SVEP1: variants seen among roughly 807,000 people sequenced by gnomAD.
SVEP1 encodes the protein sushi, von Willebrand factor type A, EGF and pentraxin domain containing 1.
A neutral mutation model predicts 367.3 loss-of-function variants in SVEP1; 164 were observed. That is an observed-to-expected ratio of 0.45 (90% CI 0.39 to 0.51). The LOEUF is 0.51. SVEP1 is among the 20% of genes least tolerant of loss of function. SVEP1 has a pLI of 0.00. For synonymous variants in SVEP1, 1,666 were observed against 1,611.6 expected, an observed-to-expected ratio of 1.03 and a Z score of -0.81; for missense variants, 4,117 against 4,425.3, an observed-to-expected ratio of 0.93 and a Z score of 1.98.
intron 40 of SVEP1, among the ~76,000 whole-genome samples, chr9:110,390,649 C>T (rs772986197): frequency 6.6e-6 from 1 of 151,972 alleles, no homozygotes; most frequent in African/African-American, 2.4e-5. Context: ...GTGAACTCCA[C>T]TGATTATAAG....
intron 43 of SVEP1, among the ~76,000 whole-genome samples, chr9:110,383,204 G>A (rs980136203): frequency 1.3e-5 from 2 of 152,130 alleles, no homozygotes; most frequent in African/African-American, 2.4e-5. Flanking sequence ...GAGTTCTCCA[G>A]TTTTGATCTT....
chr9:110,398,042 T>C (rs1827795219), intron 40 of SVEP1, among the ~76,000 whole-genome samples: 1 of 146,688 alleles, frequency 6.8e-6, no homozygotes, highest in Non-Finnish European at 1.5e-5. Context: ...AAGTCAATCC[T>C]AAGCCAAAAG....
intron 5 of SVEP1, among the ~76,000 whole-genome samples, chr9:110,506,392 T>C (rs1270102344): frequency 6.6e-6 from 1 of 152,236 alleles, no homozygotes; most frequent in Non-Finnish European, 1.5e-5. Context: ...AAAGAGCTTC[T>C]GCACAGCAAA....
chr9:110,444,484 T>G (rs1344221662), intron 26 of SVEP1, among the ~76,000 whole-genome samples: 1 of 152,198 alleles, frequency 6.6e-6, no homozygotes, highest in Non-Finnish European at 1.5e-5. Context: ...CTGAATGGAC[T>G]AAGACAGTTG....
chr9:110,579,147 C>T lies in SVEP1; in HGVS notation c.397G>A (p.Val133Met), dbSNP rs372977161. Reference protein sequence around the residue: ...AIVTFSSKNYVVPRVDYISTR... With the variant: ...AIVTFSSKNYMVPRVDYISTR... ...GAGATGTAATCGACGCGCGGCACCA[C>T]GTAGTTCTTGGACGAGAAGGTCACG... Residue 133 changes from valine to methionine, a missense_variant, in exon 1 of 48, where the codon GTG becomes ATG. Physicochemically the swap from Val to Met is conservative, Grantham distance 21. This residue lies in a region of SVEP1 where 2,174 missense variants were observed against 2,494.3 expected (regional missense o/e 0.87). Coordinates refer to ENST00000374469, the MANE Select transcript of SVEP1 (RefSeq NM_153366.4). The surrounding 1 kb of genome is among the most constrained non-coding windows in gnomAD (Gnocchi z 5.3). The T allele has an allele frequency of 6.0e-5, 93 of 1,559,460 alleles. No homozygotes were observed. Among genetic ancestry groups the T allele is most frequent in the Admixed American group, 1.3e-4 (7 of 51,960 alleles).
intron 40 of SVEP1, among the ~76,000 whole-genome samples, chr9:110,393,900 A>G (rs2148878): frequency 0.2 from 29,954 of 152,194 alleles, 3,402 homozygotes; most frequent in African/African-American, 0.3. Flanking sequence ...TCAAGGAGGC[A>G]TGCCTGCCTC....
rs372258057 is a variant in SVEP1 at position 110,472,481 on chromosome 9, T to C, written c.2600-158A>G. Among the ~76,000 whole-genome samples, 70 of 152,328 alleles carry C rather than the reference T, an allele frequency of 4.6e-4. 1 individual carries two copies. In the South Asian group the frequency reaches 0.014, roughly 31 times the overall value. On this transcript the variant is annotated intron_variant, in intron 14 of 47. Transcript: ENST00000374469. ...GTTTGGTCTACAATGTTATATATAT[T>C]GTAATTTTTGATCACTTCATATTTA...
chr9:110,394,235 C>T (rs1258542823), intron 40 of SVEP1, among the ~76,000 whole-genome samples: 2 of 152,068 alleles, frequency 1.3e-5, no homozygotes, highest in Non-Finnish European at 2.9e-5. Flanking sequence ...CTGCTGATAC[C>T]CAGGCAAACA....
chr9:110,546,175 G>A lies in SVEP1; in HGVS notation c.904C>T (p.His302Tyr), dbSNP rs1830218163. Residue 302 changes from histidine (H) to tyrosine (Y), a missense_variant, in exon 3 of 48, where the codon CAT (histidine) becomes TAT (tyrosine). His to Tyr is a moderately conservative substitution (Grantham distance 83). This residue lies in a region of SVEP1 where 2,174 missense variants were observed against 2,494.3 expected (regional missense o/e 0.87). Transcript: ENST00000374469. ...CCCTTTTCACAGATGCACTCAAAATGGCCTGTGTGTGTCCCACATTTGCAG... is the reference window on the plus strand; with the variant it reads ...CCCTTTTCACAGATGCACTCAAAATAGCCTGTGTGTGTCCCACATTTGCAG... ...GSCKCGTHTG[H>Y]FECICEKGYY... is the part of the protein sequence containing the mutation. 2 of 1,558,834 alleles carry A rather than the reference G, an allele frequency of 1.3e-6. No individual in the cohort carries two copies. Among genetic ancestry groups the A allele is most frequent in the East Asian group, 2.4e-5 (1 of 41,680 alleles).
intron 1 of SVEP1, among the ~76,000 whole-genome samples, chr9:110,571,717 C>T (rs148443565): frequency 2.1e-3 from 320 of 152,304 alleles, no homozygotes; most frequent in African/African-American, 7.4e-3. Flanking sequence ...GGGGTTAACA[C>T]CATCTCAGCC....
intron 5 of SVEP1, 49 bp from the exon 6 acceptor site, chr9:110,503,266 AAAT>A (rs760516644): frequency 6.5e-7 from 1 of 1,549,588 alleles, no homozygotes; most frequent in African/African-American, 1.4e-5. Context: ...ATAAGGATAA[AAAT>A]AATAATTACA....
intron 8 of SVEP1, among the ~76,000 whole-genome samples, chr9:110,495,546 C>A (rs775154312): frequency 6.6e-6 from 1 of 152,104 alleles, no homozygotes; most frequent in African/African-American, 2.4e-5. Flanking sequence ...TAAAAGCTAC[C>A]TTGATTGTAA....
In SVEP1 at chr9:110,407,849, G is replaced by A; in HGVS notation, c.7751C>T (p.Pro2584Leu). 1 of 1,614,002 alleles carries A rather than the reference G, an allele frequency of 6.2e-7. No individual in the cohort carries two copies. The highest frequency in any genetic ancestry group is 8.5e-7 in the Non-Finnish European group (1 of 1,179,898). Residue 2584 changes from proline (P) to leucine (L), a missense_variant, in exon 38 of 48, where the codon CCT becomes CTT. Pro to Leu is a moderately conservative substitution (Grantham distance 98). Coordinates refer to ENST00000374469, the MANE Select transcript of SVEP1 (RefSeq NM_153366.4). ...GGCATGACCAGCCACCTGAAACCCA[G>A]GGAAGCAACTGTAGATGATTATGGC... ...YGAIIIYSCF[P>L]GFQVAGHAMQ...
intron 13 of SVEP1, 120 bp from the exon 14 acceptor site, chr9:110,476,435 C>T (rs543260277): frequency 5.6e-6 from 4 of 714,994 alleles, no homozygotes; most frequent in Non-Finnish European, 9.7e-6. Context: ...GGCCCCAGAG[C>T]TCTGCACATT....
rs1186895633 is a variant in SVEP1 at position 110,451,321 on chromosome 9, C to A, written c.3869G>T (p.Gly1290Val). 1 of 1,613,620 alleles carries A rather than the reference C, an allele frequency of 6.2e-7. No homozygotes were observed. The highest frequency in any genetic ancestry group is 1.3e-5 in the African/African-American group (1 of 74,900). The change falls in exon 23 of 48, where the codon GGC becomes GTC. Residue 1290 changes from glycine to valine, a missense_variant. Transcript: ENST00000374469. ...NKGICVDGVAGYRCTCVKGFV... is the reference protein window; with the variant it reads ...NKGICVDGVAVYRCTCVKGFV... ...TCCTTTCACACATGTGCAACGATAG[C>A]CAGCCACACCATCAACACAGATTCC...
rs150069237 is a variant in SVEP1, at chr9:110,553,817, G to A, written c.532-3713C>T. Among the ~76,000 whole-genome samples the A allele has an allele frequency of 2.5e-3, 384 of 152,216 alleles. 7 individuals are homozygous for A. The highest frequency in any genetic ancestry group is 8.8e-3 in the African/African-American group (367 of 41,536). The stretch of plus-strand genomic sequence containing the variant: ...ATTTGTCACTAAGGAGTGGCCCATC[G>A]TGCAGCAATTCTTCCAGTTGCTCGA... On this transcript the variant is annotated intron_variant, in intron 1 of 47. Coordinates refer to ENST00000374469, the MANE Select transcript of SVEP1 (RefSeq NM_153366.4).
At chr9:110,479,778 A>G (rs753988883) in intron 12 of SVEP1, 22 bp from the exon 13 acceptor site, 54 of 1,588,628 alleles carry the variant, frequency 3.4e-5, no homozygotes, top group Non-Finnish European at 4.5e-5. Context: ...TGGACAAAAC[A>G]GCTTCAGTTG....
intron 14 of SVEP1, chr9:110,475,750 A>G (rs1829089853): frequency 1.3e-5 from 2 of 157,580 alleles, no homozygotes; most frequent in Non-Finnish European, 2.8e-5. Context: ...GAAAACATCA[A>G]AATTCCACTT....
rs774310118 is a variant in SVEP1, at chr9:110,457,344, A to G, written c.3585T>C (p.His1195=). Residue 1195 remains histidine (H), a synonymous_variant, in exon 21 of 48, where the codon CAT becomes CAC. Transcript: ENST00000374469. ...KRHEISSQVF[H]ECFFNPCHNS... The stretch of plus-strand genomic sequence containing the variant: ...TGTGGCAAGGGTTAAAGAAGCATTC[A>G]TGGAAAACCTACCAGTAGCATAAAA... 10 of 1,609,708 alleles carry G rather than the reference A, an allele frequency of 6.2e-6. No homozygotes were observed. The highest frequency in any genetic ancestry group is 1.6e-4 in the Middle Eastern group (1 of 6,070).
Sources: allele counts gnomAD v4.1 joint callset (sites outside exome capture counted in the v4.1 genomes callset), GRCh38; gene constraint gnomAD v4.1.1; regional missense constraint gnomAD v4.1.1; non-coding constraint Gnocchi (gnomAD v3.1); transcripts MANE v1.5; gene names NCBI Gene and HGNC (gene_info 2026-07-23, HGNC 2026-07-21).